NMU: variants seen among roughly 807,000 people sequenced by gnomAD.
NMU encodes the protein neuromedin-U.
Under a neutral mutation model 35.4 loss-of-function variants are expected in NMU, and 29 were observed. The ratio of observed to expected loss-of-function variants is 0.82; its 90% confidence interval spans 0.61 to 1.12. NMU has a LOEUF of 1.12. Among genes scored for constraint, NMU ranks in the 50% most tolerant of loss-of-function variants. NMU has a pLI of 0.00. For missense variants in NMU, 199 were observed against 206.2 expected (o/e 0.97, Z 0.21); for synonymous variants, 78 against 81.3 (o/e 0.96, Z 0.22).
At chr4:55,608,312 T>C (rs1484937162) in intron 4 of NMU, among the ~76,000 whole-genome samples, 1 of 152,162 alleles carries the variant, frequency 6.6e-6, no homozygotes, top group East Asian at 1.9e-4. Flanking sequence ...AAAAAATCAA[T>C]TACGCTTTTT....
chr4:55,618,309 G>A (rs1371948201), intron 2 of NMU, among the ~76,000 whole-genome samples: 1 of 152,004 alleles, frequency 6.6e-6, no homozygotes, highest in Admixed American at 6.6e-5. Flanking sequence ...CCATCAACTC[G>A]TCATCTAGGT....
intron 3 of NMU, among the ~76,000 whole-genome samples, chr4:55,615,276 G>A (rs900388083): frequency 9.9e-5 from 15 of 152,200 alleles, no homozygotes; most frequent in African/African-American, 3.6e-4. Context: ...TAGGTGAACT[G>A]AGAGGAAGAA....
rs140997073 is a variant in NMU, at chr4:55,628,786, C to A, written c.171+1616G>T. On this transcript the variant is annotated intron_variant, in intron 2 of 9. Transcript: ENST00000264218. ...TACAGGTGTGAGCCACCACACCCGG[C>A]CTTATTTTTATTATTTACTTCATTC... Among the ~76,000 whole-genome samples the A allele has an allele frequency of 6.4e-4, 97 of 152,174 alleles. No homozygotes were observed. The East Asian group carries it at 0.016, about 25-fold the overall frequency.
chr4:55,610,391 A>G (rs1292938602), intron 3 of NMU, among the ~76,000 whole-genome samples: 1 of 150,424 alleles, frequency 6.6e-6, no homozygotes, highest in Non-Finnish European at 1.5e-5. Flanking sequence ...TGAACCTGGG[A>G]GGCAGAGGTT....
chr4:55,604,608 G>T (rs1733598817), intron 7 of NMU, among the ~76,000 whole-genome samples: 1 of 146,786 alleles, frequency 6.8e-6, no homozygotes, highest in South Asian at 2.2e-4. Flanking sequence ...CTGCCTCCTG[G>T]GTTCAAGCGA....
intron 4 of NMU, among the ~76,000 whole-genome samples, chr4:55,608,369 C>T (rs1733790107): frequency 6.6e-6 from 1 of 151,918 alleles, no homozygotes; most frequent in African/African-American, 2.4e-5. Flanking sequence ...CAATTTCAGG[C>T]AGAGATTATT....
chr4:55,633,562 A>T (rs1715730536), intron 1 of NMU, among the ~76,000 whole-genome samples: 1 of 152,358 alleles, frequency 6.6e-6, no homozygotes, highest in East Asian at 1.9e-4. Context: ...TTTCACTGAG[A>T]AACTTCAAGA....
intron 8 of NMU, 76 bp downstream of exon 8, chr4:55,600,446 A>G: frequency 1.0e-6 from 1 of 985,166 alleles, no homozygotes; most frequent in Non-Finnish European, 1.6e-6. Flanking sequence ...ATTGAAATGT[A>G]AAAGTTAAAT....
chr4:55,632,512 G>A (rs953990309), intron 1 of NMU, among the ~76,000 whole-genome samples: 7 of 152,052 alleles, frequency 4.6e-5, no homozygotes, highest in Non-Finnish European at 7.4e-5. Context: ...TTCAAAGTGG[G>A]TAAACAATCT....
At chr4:55,617,474 C>T (rs1256360965) in intron 2 of NMU, among the ~76,000 whole-genome samples, 2 of 151,964 alleles carry the variant, frequency 1.3e-5, no homozygotes, top group African/African-American at 4.8e-5. Context: ...CCACCTGGTC[C>T]CTCTTCCTTG....
Position 55,630,446 on chromosome 4 carries a change from G to T in NMU, c.127C>A (p.Pro43Thr), listed in dbSNP as rs1360182587. The change falls in exon 2 of 10, where the codon CCT (proline) becomes ACT (threonine). Residue 43 changes from proline to threonine, a missense_variant. By Grantham distance (38) the Pro-to-Thr change is conservative. Coordinates refer to ENST00000264218, the MANE Select transcript of NMU (RefSeq NM_006681.4). Reference sequence around the variant, plus strand: ...TGTTGTTCAGGCTGTAATCCTTGAGGTAATATTGGAGCACCTAAAAATAAA... The same window carrying T: ...TGTTGTTCAGGCTGTAATCCTTGAGTTAATATTGGAGCACCTAAAAATAAA... ...AGACRGAPIL[P>T]QGLQPEQQLQ... The T allele has an allele frequency of 1.1e-5, 18 of 1,611,728 alleles. No homozygotes were observed. The highest frequency in any genetic ancestry group is 1.5e-5 in the Non-Finnish European group (18 of 1,178,356).
intron 3 of NMU, among the ~76,000 whole-genome samples, chr4:55,615,802 G>C (rs1452226032): frequency 6.6e-6 from 1 of 152,004 alleles, no homozygotes; most frequent in African/African-American, 2.4e-5. Context: ...CCCTCTAGCA[G>C]GCCCTGTGTC....
At chr4:55,636,736 T>C (rs1715945812), upstream of NMU, 1 of 152,516 alleles carries the variant, frequency 6.6e-6, no homozygotes, top group South Asian at 2.1e-4. The surrounding 1 kb of genome is among the most constrained non-coding windows in gnomAD (Gnocchi z 4.0). Context: ...TTCCCCGGTT[T>C]ATCCCCAGTT....
At chr4:55,600,449 A>C in intron 8 of NMU, 73 bp downstream of exon 8, 1 of 998,580 alleles carries the variant, frequency 1.0e-6, no homozygotes, top group East Asian at 2.4e-5. Flanking sequence ...GAAATGTAAA[A>C]GTTAAATACA....
chr4:55,632,355 A>G (rs1346350468), intron 1 of NMU, among the ~76,000 whole-genome samples: 1 of 152,210 alleles, frequency 6.6e-6, no homozygotes, highest in Non-Finnish European at 1.5e-5. Context: ...ATTTCATTTA[A>G]GTTCTAATAA....
intron 3 of NMU, among the ~76,000 whole-genome samples, chr4:55,613,905 C>T (rs1225384901): frequency 2.6e-5 from 4 of 152,062 alleles, no homozygotes; most frequent in East Asian, 1.9e-4. Context: ...AGAAACCCAG[C>T]CACAGAAGTA....
At chr4:55,618,612 T>C (rs1345147827) in intron 2 of NMU, among the ~76,000 whole-genome samples, 1 of 151,998 alleles carries the variant, frequency 6.6e-6, no homozygotes, top group Non-Finnish European at 1.5e-5. Context: ...CTCCTTCTTT[T>C]CTCTCTCCTC....
chr4:55,600,980 A>C (rs1456108356), intron 7 of NMU, among the ~76,000 whole-genome samples: 1 of 152,180 alleles, frequency 6.6e-6, no homozygotes, highest in African/African-American at 2.4e-5. Context: ...GGAAAATATA[A>C]AACAGAATTG....
At chr4:55,616,559 A>G (rs1180327284) in intron 2 of NMU, among the ~76,000 whole-genome samples, 174 bp from the exon 3 acceptor site, 1 of 152,206 alleles carries the variant, frequency 6.6e-6, no homozygotes, top group Non-Finnish European at 1.5e-5. Context: ...CTTGGAAATG[A>G]GACTTCCCTC....
Sources: gnomAD v4.1 joint callset for allele counts (sites outside exome capture counted in the v4.1 genomes callset) on GRCh38, gnomAD v4.1.1 for gene constraint, Gnocchi (gnomAD v3.1) non-coding constraint, MANE v1.5 for transcripts, NCBI Gene and HGNC (gene_info 2026-07-23, HGNC 2026-07-21) for gene names.